Variants in ADCY1 observed in about 807,000 individuals in gnomAD.
ADCY1 encodes the protein adenylate cyclase type 1.
ADCY1 carries 28 observed loss-of-function variants against 105.4 expected under a neutral mutation model. The ratio of observed to expected loss-of-function variants is 0.27; its 90% confidence interval spans 0.20 to 0.36. The LOEUF (loss-of-function observed/expected upper bound fraction) is 0.36, where lower values mean the gene tolerates loss of function less well. Ranked by LOEUF, ADCY1 falls within the 10% of genes least tolerant of loss-of-function variation. The pLI, the probability that ADCY1 is intolerant of heterozygous loss-of-function variation, is 1.00. For missense variants in ADCY1, 977 were observed against 1,434.2 expected (o/e 0.68, Z 5.15); for synonymous variants, 655 against 623.8 (o/e 1.05, Z -0.75).
In ADCY1 at chr7:45,719,542, T is replaced by C. The variant is rs1030822245; in HGVS notation, c.*5547T>C. On this transcript the variant is annotated 3_prime_UTR_variant, in exon 20 of 20. Transcript: ENST00000297323. ...TTTTTAAATTTCCCTGAAAATTTAA[T>C]CTATTCTGTTCCATATGAAGTCTGT... is the stretch of plus-strand genomic sequence containing the variant. 1 of 152,232 alleles carries C rather than the reference T, an allele frequency of 6.6e-6. No homozygotes were observed. Among genetic ancestry groups the C allele is most frequent in the Non-Finnish European group, 1.5e-5 (1 of 68,036 alleles). 9.4% of individuals were successfully genotyped at this position (152,232 alleles called of 1,614,324 possible).
At chr7:45,705,890 A>G (rs1325997425) in intron 17 of ADCY1, among the ~76,000 whole-genome samples, 1 of 152,238 alleles carries the variant, frequency 6.6e-6, no homozygotes, top group Non-Finnish European at 1.5e-5. Context: ...ATAAAAGCTC[A>G]TCATTTTTCT....
intron 1 of ADCY1, among the ~76,000 whole-genome samples, chr7:45,583,163 C>T (rs1792611901): frequency 6.6e-6 from 1 of 152,210 alleles, no homozygotes; most frequent in Non-Finnish European, 1.5e-5. Flanking sequence ...TGACTGTACA[C>T]ATCGTGTGTG....
At chr7:45,702,444 C>T (rs944342633) in intron 14 of ADCY1, among the ~76,000 whole-genome samples, 1 of 152,214 alleles carries the variant, frequency 6.6e-6, no homozygotes, top group East Asian at 1.9e-4. Flanking sequence ...GGCCATGGGC[C>T]GCTCCGCAAG....
chr7:45,590,434 T>G (rs903795494), intron 1 of ADCY1, among the ~76,000 whole-genome samples: 1 of 152,194 alleles, frequency 6.6e-6, no homozygotes, highest in Non-Finnish European at 1.5e-5. Context: ...CCGCAGGCCT[T>G]GCTGGCTTAG....
chr7:45,699,479 G>A (rs1784950533), intron 14 of ADCY1, among the ~76,000 whole-genome samples: 1 of 152,164 alleles, frequency 6.6e-6, no homozygotes, highest in South Asian at 2.1e-4. Context: ...TTAGGGGTAA[G>A]ATTACCTCTA....
At chr7:45,712,311 A>T (rs34305305) in intron 19 of ADCY1, among the ~76,000 whole-genome samples, 29,419 of 147,254 alleles carry the variant, frequency 0.2, 3,402 homozygotes, top group African/African-American at 0.32. Flanking sequence ...CTTCTGCAGG[A>T]TTCCCCCAAA....
chr7:45,620,040 CATAAA>C (rs1229530508), intron 3 of ADCY1, among the ~76,000 whole-genome samples: 1 of 152,088 alleles, frequency 6.6e-6, no homozygotes, highest in East Asian at 1.9e-4. Flanking sequence ...GTGTTATGCA[CATAAA>C]ATGAAATGCT....
intron 17 of ADCY1, among the ~76,000 whole-genome samples, chr7:45,706,088 G>A (rs1264399938): frequency 3.3e-5 from 5 of 152,110 alleles, no homozygotes; most frequent in Non-Finnish European, 7.4e-5. Context: ...TTCCTGCATC[G>A]GAGGAGTCAG....
intron 8 of ADCY1, among the ~76,000 whole-genome samples, chr7:45,663,591 C>A (rs1480594671): frequency 6.6e-6 from 1 of 152,186 alleles, no homozygotes; most frequent in East Asian, 1.9e-4. Flanking sequence ...GAGGCCAAGG[C>A]AGGCGGATCA....
intron 1 of ADCY1, among the ~76,000 whole-genome samples, chr7:45,582,876 A>G (rs1048997893): frequency 1.3e-5 from 2 of 152,192 alleles, no homozygotes; most frequent in African/African-American, 4.8e-5. Context: ...ATAGGAGCCC[A>G]CCGCAGCAGC....
intron 5 of ADCY1, among the ~76,000 whole-genome samples, chr7:45,655,293 T>C (rs1794907855): frequency 6.6e-6 from 1 of 152,174 alleles, no homozygotes; most frequent in Admixed American, 6.5e-5. Flanking sequence ...TCCTTCCTGT[T>C]GGGGTCCAGC....
At chr7:45,672,845 T>C (rs1198510317) in intron 8 of ADCY1, among the ~76,000 whole-genome samples, 1 of 152,186 alleles carries the variant, frequency 6.6e-6, no homozygotes, top group East Asian at 1.9e-4. Context: ...AGCACTATGC[T>C]GCATGGAAGT....
At chr7:45,665,418 A>G (rs1521469) in intron 8 of ADCY1, among the ~76,000 whole-genome samples, 121,462 of 152,234 alleles carry the variant, frequency 0.8, 49,465 homozygotes, top group South Asian at 0.97. Context: ...GTCACCGTGG[A>G]ACACGTCTCT....
intron 11 of ADCY1, among the ~76,000 whole-genome samples, chr7:45,683,725 A>G (rs900165924): frequency 3.3e-5 from 5 of 152,204 alleles, no homozygotes; most frequent in African/African-American, 9.6e-5. Context: ...GGTAACGCCC[A>G]GTTCATGATG....
intron 5 of ADCY1, among the ~76,000 whole-genome samples, chr7:45,652,475 G>C (rs1035409537): frequency 6.6e-6 from 1 of 152,332 alleles, no homozygotes; most frequent in East Asian, 1.9e-4. Context: ...CCAGAGCTGG[G>C]TCTTGATTTC....
Position 45,703,883 on chromosome 7 carries a change from T to C in ADCY1, c.2718+137T>C, listed in dbSNP as rs1785051839. On this transcript the variant is annotated intron_variant, in intron 16 of 19. Coordinates refer to ENST00000297323, the MANE Select transcript of ADCY1 (RefSeq NM_021116.4). This position sits in a 1 kb window ranked among gnomAD's most constrained non-coding sequence, Gnocchi z 5.9. ...AAGCAAATCCCGGGAAGCACAGGCA[T>C]TCTGTCTCCTTTGGGATCCAGACCA... The C allele has an allele frequency of 2.3e-6, 3 of 1,293,492 alleles. No homozygotes were observed. The South Asian group carries it at 4.6e-5, about 20-fold the overall frequency. The allele number at this position is 1,293,492 out of a possible 1,614,324, so 80.1% of individuals were successfully genotyped here.
intron 1 of ADCY1, among the ~76,000 whole-genome samples, chr7:45,592,100 G>GTT (rs1018159152): frequency 2.0e-5 from 3 of 151,180 alleles, no homozygotes; most frequent in Non-Finnish European, 4.4e-5. Context: ...TTCCAGAGGA[G>GTT]TTTGTGCAGG....
intron 14 of ADCY1, among the ~76,000 whole-genome samples, chr7:45,701,938 G>T (rs1397368889): frequency 6.6e-6 from 1 of 152,152 alleles, no homozygotes; most frequent in Non-Finnish European, 1.5e-5. Context: ...CTCCTTAAGG[G>T]ACAGGAAGAA....
At position 45,687,582 on chromosome 7, in the gene ADCY1, C is replaced by T. The variant is rs533307276; in HGVS notation, c.2454+909C>T. ...CTCCTAGGTTTCCTCCCCTGAAAACCGGGAATGAAGGCTGATGAATATTAG... is the reference window on the plus strand; with the variant it reads ...CTCCTAGGTTTCCTCCCCTGAAAACTGGGAATGAAGGCTGATGAATATTAG... On this transcript the variant is annotated intron_variant, in intron 14 of 19. Coordinates refer to ENST00000297323, the MANE Select transcript of ADCY1 (RefSeq NM_021116.4). 7.1e-4 allele frequency among the ~76,000 whole-genome samples: 108 copies of T among 152,312 alleles called. 1 individual carries two copies. The highest frequency in any genetic ancestry group is 2.5e-3 in the African/African-American group (106 of 41,570).
Sources: allele counts gnomAD v4.1 joint callset (sites outside exome capture counted in the v4.1 genomes callset), GRCh38; gene constraint gnomAD v4.1.1; non-coding constraint Gnocchi (gnomAD v3.1); transcripts MANE v1.5; gene names NCBI Gene and HGNC (gene_info 2026-07-23, HGNC 2026-07-21).